SNRPN: variants seen among roughly 807,000 people sequenced by gnomAD.
SNRPN encodes the protein small nuclear ribonucleoprotein polypeptide N, also known as small nuclear ribonucleoprotein-associated protein N.
SNRPN carries 7 observed loss-of-function variants against 25.2 expected under a neutral mutation model. That is an observed-to-expected ratio of 0.28 (90% CI 0.16 to 0.52). The LOEUF (loss-of-function observed/expected upper bound fraction) is 0.52, where lower values mean the gene tolerates loss of function less well. Among genes scored for constraint, SNRPN ranks in the 20% least tolerant of loss-of-function variants. SNRPN has a pLI of 0.96. For missense variants in SNRPN, 196 were observed against 322.5 expected, an observed-to-expected ratio of 0.61 and a Z score of 3.00; for synonymous variants, 124 against 110.6, an observed-to-expected ratio of 1.12 and a Z score of -0.76.
intron 2 of SNRPN, among the ~76,000 whole-genome samples, chr15:24,912,989 G>A (rs2152262471): frequency 6.6e-6 from 1 of 152,224 alleles, no homozygotes; most frequent in African/African-American, 2.4e-5. Flanking sequence ...GCCCAGGCTG[G>A]AGTACAGTGG....
intron 2 of SNRPN, among the ~76,000 whole-genome samples, chr15:24,834,604 C>T (rs894577233): frequency 2.0e-5 from 3 of 151,164 alleles, no homozygotes; most frequent in Admixed American, 6.6e-5. Context: ...TGGTAGTGAC[C>T]GTCTGTTGTC....
At position 24,947,904 on chromosome 15, in the gene SNRPN, AT is replaced by A. The variant is rs895963722; in HGVS notation, c.-390-14201del. On this transcript the variant is annotated intron_variant, in intron 3 of 11. Transcript: ENST00000400097. ...ATCTACCACTCACTTTTCTGCTAGA[AT>A]TTTTTTTTATATTGATACCTCCCAT... Among the ~76,000 whole-genome samples the A allele has an allele frequency of 3.1e-3, 475 of 151,104 alleles. 1 individual carries two copies. The highest frequency in any genetic ancestry group is 0.011 in the African/African-American group (462 of 41,276).
At position 24,959,603 on chromosome 15, in the gene SNRPN, C is replaced by G. The variant is rs572621322; in HGVS notation, c.-390-2511C>G. ...GTAAGACAGTGTTTGCAGTTGTACA[C>G]TATTAGATTAATCATGGTTTAGTTG... is the stretch of plus-strand genomic sequence containing the variant. On this transcript the variant is annotated intron_variant, in intron 1 of 9. Coordinates refer to ENST00000390687, the MANE Select transcript of SNRPN (RefSeq NM_003097.6). 3.1e-3 allele frequency among the ~76,000 whole-genome samples: 478 copies of G among 152,278 alleles called. 1 individual carries two copies. Among genetic ancestry groups the G allele is most frequent in the Non-Finnish European group, 4.7e-3 (322 of 68,020 alleles).
At chr15:24,829,195 A>G (rs2050314227) in intron 1 of SNRPN, among the ~76,000 whole-genome samples, 1 of 152,102 alleles carries the variant, frequency 6.6e-6, no homozygotes, top group South Asian at 2.1e-4. Context: ...AAGTTTCCAA[A>G]TTCTCAGATG....
chr15:24,889,358 A>T (rs1380929679), intron 2 of SNRPN, among the ~76,000 whole-genome samples: 1 of 150,314 alleles, frequency 6.7e-6, no homozygotes, highest in African/African-American at 2.5e-5. Context: ...ACTGGAGTTC[A>T]ATGGCACGAT....
At chr15:24,833,180 A>G (rs2050718041) in intron 2 of SNRPN, among the ~76,000 whole-genome samples, 1 of 146,374 alleles carries the variant, frequency 6.8e-6, no homozygotes, top group African/African-American at 2.5e-5. Flanking sequence ...TGATGCCTGG[A>G]GCTTGGTTCC....
At chr15:24,970,633 C>T (rs1416224756) in intron 3 of SNRPN, among the ~76,000 whole-genome samples, 1 of 152,100 alleles carries the variant, frequency 6.6e-6, no homozygotes, top group Non-Finnish European at 1.5e-5. Flanking sequence ...TAAATATTTA[C>T]CAGGGTACAT....
Position 24,898,576 on chromosome 15 carries a change from G to C in SNRPN, c.-505+11987G>C, listed in dbSNP as rs1256144103. Among the ~76,000 whole-genome samples the C allele has an allele frequency of 3.4e-5, 5 of 149,092 alleles. No individual in the cohort carries two copies. In the East Asian group the frequency reaches 9.8e-4, roughly 29 times the overall value. ...GCACCCCATCCTGGCGACAGAGTGA[G>C]ATCTGTCTAAAAAAAAAAAAAGTAG... On this transcript the variant is annotated intron_variant, in intron 2 of 11. Transcript: ENST00000400097.
chr15:24,834,204 G>A (rs370901342), intron 2 of SNRPN, among the ~76,000 whole-genome samples: 3 of 152,120 alleles, frequency 2.0e-5, no homozygotes, highest in South Asian at 2.1e-4. Context: ...GATTACAGGC[G>A]TGAGCCACTG....
chr15:24,915,077 G>C (rs1006497521), intron 2 of SNRPN, among the ~76,000 whole-genome samples: 5 of 151,860 alleles, frequency 3.3e-5, no homozygotes, highest in African/African-American at 1.2e-4. Context: ...AACCTGATCA[G>C]ATATCAAGGG....
At chr15:24,879,299 T>C (rs566497640) in intron 1 of SNRPN, among the ~76,000 whole-genome samples, 13 of 150,922 alleles carry the variant, frequency 8.6e-5, no homozygotes, top group Non-Finnish European at 1.8e-4. Flanking sequence ...TACCCGGGGG[T>C]GGTGGTGTTC....
chr15:24,834,751 C>CTCTCTCTCTATATATATATATA, intron 2 of SNRPN, among the ~76,000 whole-genome samples: 31 of 60,940 alleles, frequency 5.1e-4, no homozygotes, highest in Non-Finnish European at 7.6e-4. Context: ...CTCTCTCTCT[C>CTCTCTCTCTATATATATATATA]TATATATATA....
chr15:24,890,413 A>G (rs1014361078), intron 2 of SNRPN, among the ~76,000 whole-genome samples: 2 of 152,178 alleles, frequency 1.3e-5, no homozygotes, highest in Non-Finnish European at 2.9e-5. Context: ...ACAGTGGCTC[A>G]CACCTGTAAT....
chr15:24,962,046 C>T, intron 1 of SNRPN, 68 bp from the exon 2 acceptor site: 1 of 1,273,504 alleles, frequency 7.9e-7, no homozygotes, highest in South Asian at 1.2e-5. Context: ...CTAAATATAA[C>T]CTTGACAAAT....
chr15:24,974,216 G>T, intron 3 of SNRPN, 95 bp from the exon 4 acceptor site: 1 of 544,766 alleles, frequency 1.8e-6, no homozygotes, highest in Non-Finnish European at 3.3e-6. Context: ...GGATGTTTTT[G>T]AACGTGTCTG....
chr15:24,909,500 C>T, intron 2 of SNRPN: 1 of 1,547,746 alleles, frequency 6.5e-7, no homozygotes, highest in Non-Finnish European at 8.8e-7. Context: ...ACTGAGAAGC[C>T]TGCGGGCCAG....
At chr15:24,857,339 T>C (rs2053501751) in intron 1 of SNRPN, among the ~76,000 whole-genome samples, 1 of 152,198 alleles carries the variant, frequency 6.6e-6, no homozygotes, top group Non-Finnish European at 1.5e-5. Flanking sequence ...ATTGTCGGCA[T>C]GATGTTTGCA....
chr15:24,877,937 C>G (rs2056143159), intron 1 of SNRPN, among the ~76,000 whole-genome samples: 1 of 152,186 alleles, frequency 6.6e-6, no homozygotes, highest in African/African-American at 2.4e-5. Flanking sequence ...TTAAGTAGTG[C>G]ACGGGTTAAA....
intron 1 of SNRPN, among the ~76,000 whole-genome samples, chr15:24,878,582 T>A (rs756976140): frequency 6.6e-6 from 1 of 152,236 alleles, no homozygotes; most frequent in African/African-American, 2.4e-5. Context: ...CTTTCTAGGC[T>A]TCGTATAATT....
Sources: gnomAD v4.1 joint callset for allele counts (sites outside exome capture counted in the v4.1 genomes callset) on GRCh38, gnomAD v4.1.1 for gene constraint, MANE v1.5 for transcripts, NCBI Gene and HGNC (gene_info 2026-07-23, HGNC 2026-07-21) for gene names.